The following SLC25A48 variants were observed in gnomAD, a reference collection of about 807,000 sequenced individuals.
SLC25A48 encodes the protein CTC-321K16.1.
Under a neutral mutation model 32.2 loss-of-function variants are expected in SLC25A48, and 29 were observed. That is an observed-to-expected ratio of 0.90 (90% CI 0.67 to 1.23). SLC25A48 has a LOEUF of 1.23. Ranked by LOEUF, SLC25A48 falls within the 50% of genes most tolerant of loss-of-function variation. SLC25A48 has a pLI of 0.00. For missense variants in SLC25A48, 399 were observed against 422.7 expected (o/e 0.94, Z 0.49); for synonymous variants, 164 against 172.3 (o/e 0.95, Z 0.38).
chr5:135,596,396 G>T (rs942789464), intron 1 of SLC25A48, among the ~76,000 whole-genome samples: 66 of 152,164 alleles, frequency 4.3e-4, no homozygotes, highest in African/African-American at 1.6e-3. Flanking sequence ...TCACTCATGG[G>T]CCAAGGAAAA....
intron 3 of SLC25A48, among the ~76,000 whole-genome samples, chr5:135,696,612 G>C (rs1754272381): frequency 6.6e-6 from 1 of 152,172 alleles, no homozygotes; most frequent in Admixed American, 6.5e-5. Context: ...CCACACAATG[G>C]AACTAGGACA....
chr5:135,849,345 C>T (rs1184454031), intron 2 of SLC25A48, among the ~76,000 whole-genome samples: 1 of 152,186 alleles, frequency 6.6e-6, no homozygotes, highest in Non-Finnish European at 1.5e-5. Context: ...CCAGGCATGA[C>T]ATGCTGTGTG....
At chr5:135,759,470 T>G (rs982463218) in intron 3 of SLC25A48, among the ~76,000 whole-genome samples, 1 of 152,192 alleles carries the variant, frequency 6.6e-6, no homozygotes, top group African/African-American at 2.4e-5. Context: ...GCAATTTCTT[T>G]AAGTCAAGTT....
chr5:135,830,589 A>G (rs1758179120), upstream of SLC25A48, among the ~76,000 whole-genome samples: 1 of 152,138 alleles, frequency 6.6e-6, no homozygotes, highest in Non-Finnish European at 1.5e-5. Flanking sequence ...CTCTGCACAT[A>G]CTTTCCCAAA....
At chr5:135,692,710 T>C (rs1051905023) in intron 3 of SLC25A48, among the ~76,000 whole-genome samples, 1 of 152,198 alleles carries the variant, frequency 6.6e-6, no homozygotes, top group African/African-American at 2.4e-5. Context: ...AAAAGTTACA[T>C]AGCAGAGTAT....
rs1274284156 is a variant in SLC25A48 at position 135,818,078 on chromosome 5, TC to T, written c.-117+5153del. Among the ~76,000 whole-genome samples, 59 of 110,338 alleles carry T rather than the reference TC, an allele frequency of 5.3e-4. 1 individual carries two copies. Among genetic ancestry groups the T allele is most frequent in the Admixed American group, 9.7e-4 (11 of 11,376 alleles). The allele number at this position is 110,338 out of a possible 152,430, so 72.4% of individuals were successfully genotyped here. A position where few individuals can be genotyped will look rare whatever the true frequency, so the allele number is the denominator to read the frequency against. ...TCCTCTCTCTCTCTCTCTCTCTCTC[TC>T]TCTCTCTCTCTCTCTCTCTCTCTCT... On this transcript the variant is annotated intron_variant, in intron 4 of 10. Coordinates refer to the SLC25A48 transcript ENST00000646290.
chr5:135,866,312 G>A (rs1761201327), intron 4 of SLC25A48, among the ~76,000 whole-genome samples: 2 of 152,376 alleles, frequency 1.3e-5, no homozygotes, highest in South Asian at 4.1e-4. Flanking sequence ...GCCAGCCATT[G>A]TGTTTCTGCT....
chr5:135,707,256 C>G (rs1169206926), intron 3 of SLC25A48, among the ~76,000 whole-genome samples: 1 of 152,148 alleles, frequency 6.6e-6, no homozygotes, highest in East Asian at 1.9e-4. Flanking sequence ...GAGCCTGACC[C>G]CATCTGATAA....
At chr5:135,746,576 T>G (rs1755647680) in intron 3 of SLC25A48, among the ~76,000 whole-genome samples, 2 of 152,196 alleles carry the variant, frequency 1.3e-5, no homozygotes, top group African/African-American at 4.8e-5. Flanking sequence ...TGGGCACGCG[T>G]GAACCTTGGG....
At chr5:135,818,059 CT>C in intron 4 of SLC25A48, among the ~76,000 whole-genome samples, 3 of 7,260 alleles carry the variant, frequency 4.1e-4, no homozygotes, top group Non-Finnish European at 1.6e-3. Context: ...CTGTTCCTCT[CT>C]CTCTCTCTCT....
chr5:135,648,365 C>T (rs1053119616), intron 3 of SLC25A48, among the ~76,000 whole-genome samples: 8 of 152,208 alleles, frequency 5.3e-5, no homozygotes, highest in African/African-American at 1.4e-4. Flanking sequence ...TGGCTGACTA[C>T]CAAGAAAGTG....
At chr5:135,600,627 C>G (rs1751773020) in intron 1 of SLC25A48, among the ~76,000 whole-genome samples, 1 of 152,108 alleles carries the variant, frequency 6.6e-6, no homozygotes, top group Non-Finnish European at 1.5e-5. Context: ...TCCTCAGAAC[C>G]AAACACAGTG....
intron 3 of SLC25A48, among the ~76,000 whole-genome samples, chr5:135,751,642 T>C (rs1266907237): frequency 6.6e-6 from 1 of 152,114 alleles, no homozygotes; most frequent in African/African-American, 2.4e-5. Flanking sequence ...GAGAACAGCC[T>C]GGGCAACATA....
At chr5:135,792,197 C>T (rs1757048500) in intron 3 of SLC25A48, among the ~76,000 whole-genome samples, 1 of 151,728 alleles carries the variant, frequency 6.6e-6, no homozygotes, top group African/African-American at 2.4e-5. Context: ...TACACCGCTG[C>T]GTTATGTTAT....
intron 3 of SLC25A48, among the ~76,000 whole-genome samples, chr5:135,778,446 C>A (rs943371891): frequency 6.6e-6 from 1 of 151,634 alleles, no homozygotes; most frequent in African/African-American, 2.4e-5. Flanking sequence ...TGTACACCGC[C>A]ACCCCACCCC....
intron 7 of SLC25A48, among the ~76,000 whole-genome samples, chr5:135,884,454 A>G (rs1351224350): frequency 6.6e-6 from 1 of 152,168 alleles, no homozygotes; most frequent in Non-Finnish European, 1.5e-5. Context: ...ACCCTCCAGC[A>G]GTGGGACATT....
chr5:135,734,678 G>T (rs1199393868), intron 3 of SLC25A48, among the ~76,000 whole-genome samples: 86 of 152,112 alleles, frequency 5.7e-4, no homozygotes, highest in Non-Finnish European at 1.5e-4. Context: ...TTAGCCGGGC[G>T]CAGAGGCAGG....
chr5:135,843,237 G>A (rs76082068), intron 2 of SLC25A48, among the ~76,000 whole-genome samples: 2 of 152,180 alleles, frequency 1.3e-5, no homozygotes, highest in East Asian at 3.9e-4. Flanking sequence ...CCCAGTGCTG[G>A]GAGATGGGCA....
chr5:135,650,276 C>T (rs891176197), intron 3 of SLC25A48: 3 of 385,008 alleles, frequency 7.8e-6, no homozygotes, highest in African/African-American at 6.4e-5. Flanking sequence ...AATTGCTACT[C>T]AAAGTTTGGT....
Sources: allele counts gnomAD v4.1 joint callset (sites outside exome capture counted in the v4.1 genomes callset), GRCh38; gene constraint gnomAD v4.1.1; transcripts MANE v1.5; gene names NCBI Gene and HGNC (gene_info 2026-07-23, HGNC 2026-07-21).